AGO2: variants seen among roughly 807,000 people sequenced by gnomAD.
AGO2 encodes the protein argonaute RISC catalytic component 2.
AGO2 carries 5 observed loss-of-function variants against 102.3 expected under a neutral mutation model. The ratio of observed to expected loss-of-function variants is 0.05; its 90% CI spans 0.03 to 0.10. The LOEUF is 0.10. Among genes scored for constraint, AGO2 ranks in the 10% least tolerant of loss-of-function variants. AGO2 has a pLI of 1.00. For synonymous variants in AGO2, 449 were observed against 473.1 expected (o/e 0.95, Z 0.66); for missense variants, 541 against 1,183.7 (o/e 0.46, Z 7.97).
intron 1 of AGO2, among the ~76,000 whole-genome samples, chr8:140,602,714 A>C (rs1338751994): frequency 1.3e-5 from 2 of 152,206 alleles, no homozygotes; most frequent in Non-Finnish European, 2.9e-5. Context: ...GAAATCAGAA[A>C]ATTTCTCCAA....
chr8:140,575,991 T>TA (rs989879225), intron 2 of AGO2, among the ~76,000 whole-genome samples: 29 of 151,814 alleles, frequency 1.9e-4, no homozygotes, highest in African/African-American at 6.5e-4. Flanking sequence ...ACCCATCTCT[T>TA]AAAAAAAAGA....
intron 1 of AGO2, among the ~76,000 whole-genome samples, chr8:140,586,021 A>G (rs2073649324): frequency 6.6e-6 from 1 of 152,226 alleles, no homozygotes. Flanking sequence ...CATGCTTTCA[A>G]GGTTATTAAA....
At position 140,540,912 on chromosome 8, in the gene AGO2, T is replaced by C. The variant is rs1181112530; in HGVS notation, c.2034+252A>G. Among the ~76,000 whole-genome samples the C allele has an allele frequency of 1.3e-5, 2 of 151,810 alleles. No individual in the cohort carries two copies. Among genetic ancestry groups the C allele is most frequent in the African/African-American group, 4.8e-5 (2 of 41,320 alleles). ...GCGGAACTCAAGCGTCTCTCCCCCATCTCTTGGTCCCCAGGCCCATACCCG... is the reference window on the plus strand; with the variant it reads ...GCGGAACTCAAGCGTCTCTCCCCCACCTCTTGGTCCCCAGGCCCATACCCG... On this transcript the variant is annotated intron_variant, in intron 15 of 18. Coordinates refer to ENST00000220592, the MANE Select transcript of AGO2 (RefSeq NM_012154.5). This position sits in a 1 kb window ranked among gnomAD's most constrained non-coding sequence, Gnocchi z 5.0.
At position 140,597,483 on chromosome 8, in the gene AGO2, C is replaced by T. The variant is rs60746254; in HGVS notation, c.23-12172G>A. Among the ~76,000 whole-genome samples the T allele has an allele frequency of 8.7e-5, 12 of 138,234 alleles. 1 individual carries two copies. The highest frequency in any genetic ancestry group is 6.3e-4 in the Admixed American group (9 of 14,284). 90.7% of individuals were successfully genotyped at this position (138,234 alleles called of 152,430 possible). ...GCTGGGTGGCCCCCCCACCCCCCCC[C>T]CCCCGCCCCAGGCCTCCCTGCCTGA... On this transcript the variant is annotated intron_variant, in intron 1 of 18. Coordinates refer to ENST00000220592, the MANE Select transcript of AGO2 (RefSeq NM_012154.5).
At chr8:140,570,964 C>T (rs982308026) in intron 3 of AGO2, among the ~76,000 whole-genome samples, 1 of 152,188 alleles carries the variant, frequency 6.6e-6, no homozygotes, top group Non-Finnish European at 1.5e-5. Context: ...AAACTGTGCA[C>T]AAACTCCTTA....
At chr8:140,613,538 G>A (rs554685092) in intron 1 of AGO2, among the ~76,000 whole-genome samples, 3 of 152,248 alleles carry the variant, frequency 2.0e-5, no homozygotes, top group South Asian at 4.1e-4. Flanking sequence ...AAAAACAGCT[G>A]AAGAGCTGCC....
At chr8:140,635,634 G>T, upstream of AGO2, 1 of 622,974 alleles carries the variant, frequency 1.6e-6, no homozygotes, top group Non-Finnish European at 2.0e-6. Context: ...CGCCAAACAG[G>T]TTTACCCGAC....
chr8:140,560,541 G>A (rs751486715), intron 4 of AGO2, 31 bp from the exon 5 acceptor site: 27 of 1,593,894 alleles, frequency 1.7e-5, no homozygotes, highest in East Asian at 2.3e-5. Flanking sequence ...CCCGCCTCCC[G>A]TCAGATGTGT....
At chr8:140,546,689 A>T (rs976267102) in intron 13 of AGO2, among the ~76,000 whole-genome samples, 6 of 152,248 alleles carry the variant, frequency 3.9e-5, no homozygotes, top group Non-Finnish European at 8.8e-5. Flanking sequence ...TATGGCCTCC[A>T]GTTCCCTCCT....
In AGO2 at chr8:140,544,090, A is replaced by C. The variant is rs556735664; in HGVS notation, c.1839+123T>G. ...CTCCCACAAGACCCCGGCCGTCCCT[A>C]CCGCAGCTTAGTGAGACCCCATGCC... On this transcript the variant is annotated intron_variant, in intron 14 of 18. Coordinates refer to ENST00000220592, the MANE Select transcript of AGO2 (RefSeq NM_012154.5). The C allele has an allele frequency of 6.7e-6, 7 of 1,050,730 alleles. No individual in the cohort carries two copies. In the East Asian group the frequency reaches 2.0e-4, roughly 30 times the overall value. 65.1% of individuals were successfully genotyped at this position (1,050,730 alleles called of 1,614,324 possible). A position where few individuals can be genotyped will look rare whatever the true frequency, so the allele number is the denominator to read the frequency against.
chr8:140,638,817 C>T (rs115236553), upstream of AGO2, among the ~76,000 whole-genome samples: 668 of 152,290 alleles, frequency 4.4e-3, 4 homozygotes, highest in African/African-American at 0.015. Context: ...CCAAGTGATC[C>T]TCCCACCTTG....
At chr8:140,566,207 C>T (rs1257902956) in intron 3 of AGO2, among the ~76,000 whole-genome samples, 2 of 152,150 alleles carry the variant, frequency 1.3e-5, no homozygotes, top group Non-Finnish European at 2.9e-5. Flanking sequence ...CTTTCCCGTG[C>T]TATTCTTGTG....
At chr8:140,576,656 G>A (rs186543137) in intron 2 of AGO2, among the ~76,000 whole-genome samples, 2 of 152,322 alleles carry the variant, frequency 1.3e-5, no homozygotes, top group African/African-American at 2.4e-5. Flanking sequence ...TCTCTTCTAC[G>A]AGGCTGATGC....
intron 3 of AGO2, among the ~76,000 whole-genome samples, chr8:140,571,007 A>G (rs1460304090): frequency 6.6e-6 from 1 of 152,248 alleles, no homozygotes; most frequent in African/African-American, 2.4e-5. Context: ...ATAAGTAAAA[A>G]CAAATGCAAA....
intron 1 of AGO2, among the ~76,000 whole-genome samples, chr8:140,627,807 G>T (rs938891375): frequency 6.6e-6 from 1 of 152,184 alleles, no homozygotes; most frequent in African/African-American, 2.4e-5. Context: ...AAGCATGGCG[G>T]TCACTTGTCA....
At chr8:140,569,812 G>A (rs1255804634) in intron 3 of AGO2, among the ~76,000 whole-genome samples, 1 of 152,310 alleles carries the variant, frequency 6.6e-6, no homozygotes, top group East Asian at 1.9e-4. Context: ...CTGGGATGAA[G>A]GCAGGCAGGC....
intron 1 of AGO2, among the ~76,000 whole-genome samples, chr8:140,617,264 C>CT (rs969497556): frequency 2.8e-4 from 41 of 148,440 alleles, no homozygotes; most frequent in East Asian, 5.9e-4. Flanking sequence ...AAGCACCACT[C>CT]TTTTTTTTTT....
chr8:140,563,543 C>T (rs183165069), intron 3 of AGO2, among the ~76,000 whole-genome samples: 79 of 152,276 alleles, frequency 5.2e-4, no homozygotes, highest in Non-Finnish European at 9.3e-4. Context: ...GCCGACTCAC[C>T]ACTTTTTATC....
intron 10 of AGO2, among the ~76,000 whole-genome samples, chr8:140,553,694 C>T (rs2073044954): frequency 1.3e-5 from 2 of 150,190 alleles, no homozygotes; most frequent in South Asian, 4.2e-4. Context: ...CAAGTGTGAG[C>T]CACCATGCCT....
Sources: gnomAD v4.1 joint callset for allele counts (sites outside exome capture counted in the v4.1 genomes callset) on GRCh38, gnomAD v4.1.1 for gene constraint, Gnocchi (gnomAD v3.1) non-coding constraint, MANE v1.5 for transcripts, NCBI Gene and HGNC (gene_info 2026-07-23, HGNC 2026-07-21) for gene names.